SPG11: variants seen among roughly 807,000 people sequenced by gnomAD.
SPG11 encodes the protein SPG11 vesicle trafficking associated, spatacsin.
In SPG11, 222 loss-of-function variants were observed where a neutral mutation model predicts 274.0. That is an observed-to-expected ratio of 0.81 (90% CI 0.73 to 0.91). The LOEUF (loss-of-function observed/expected upper bound fraction) is 0.91. SPG11 is among the 40% of genes least tolerant of loss of function. The pLI is 0.00. For synonymous variants in SPG11, 1,144 were observed against 1,039.7 expected (o/e 1.10, Z -1.93); for missense variants, 3,114 against 2,872.7 (o/e 1.08, Z -1.92).
rs767487177 is a variant in SPG11 at position 44,651,959 on chromosome 15, T to C, written c.1008-20A>G. 33 of 1,604,596 alleles carry C rather than the reference T, an allele frequency of 2.1e-5. No homozygotes were observed. The highest frequency in any genetic ancestry group is 2.8e-5 in the Non-Finnish European group (33 of 1,176,866). ...CAAGACCTGGAAACAAGGTAAAATA[T>C]AACTTAACACCTGTCACAGTAAAAG... On this transcript the variant is annotated intron_variant, in intron 5 of 39. Transcript: ENST00000261866.
chr15:44,571,496 CTTTTT>C (rs796235342), intron 33 of SPG11, among the ~76,000 whole-genome samples: 10 of 126,134 alleles, frequency 7.9e-5, no homozygotes, highest in African/African-American at 2.9e-4. Context: ...AATTTCTTTT[CTTTTT>C]TTTTTTTTTT....
At chr15:44,649,120 T>G in intron 6 of SPG11, 109 bp from the exon 7 acceptor site, 1 of 828,792 alleles carries the variant, frequency 1.2e-6, no homozygotes, top group Admixed American at 2.3e-5. Context: ...ATTACAAATA[T>G]ATTTATATTT....
rs1288895068 is a variant in SPG11 at position 44,663,504 on chromosome 15, G to A, written c.144C>T (p.Arg48=). ...GGCTCCCCAGAGCCTCCGGCTGTGTGCGCAGCTGCGCCCGGGAGCCGAGCT... is the reference window on the plus strand; with the variant it reads ...GGCTCCCCAGAGCCTCCGGCTGTGTACGCAGCTGCGCCCGGGAGCCGAGCT... ...MGQLGSRAQL[R]TQPEALGSLT... is the part of the protein sequence containing the mutation. Residue 48 remains arginine (R), a synonymous_variant, in exon 1 of 40, where the codon CGC becomes CGT. Coordinates refer to ENST00000261866, the MANE Select transcript of SPG11 (RefSeq NM_025137.4). 3 of 1,594,390 alleles carry A rather than the reference G, an allele frequency of 1.9e-6. No individual in the cohort carries two copies. The highest frequency in any genetic ancestry group is 1.1e-5 in the South Asian group (1 of 88,794).
intron 33 of SPG11, among the ~76,000 whole-genome samples, chr15:44,572,185 G>A (rs2082437765): frequency 6.6e-6 from 1 of 152,214 alleles, no homozygotes; most frequent in Non-Finnish European, 1.5e-5. Flanking sequence ...AAATGTTAAT[G>A]ACAGCATATT....
intron 3 of SPG11, among the ~76,000 whole-genome samples, 190 bp from the exon 4 acceptor site, chr15:44,657,486 T>C (rs2084976019): frequency 6.6e-6 from 1 of 152,156 alleles, no homozygotes; most frequent in Non-Finnish European, 1.5e-5. Context: ...ATAAAGAACC[T>C]GATACCAAGT....
At chr15:44,649,236 T>C (rs1000691152) in intron 6 of SPG11, among the ~76,000 whole-genome samples, 5 of 152,208 alleles carry the variant, frequency 3.3e-5, no homozygotes, top group African/African-American at 7.2e-5. Context: ...TCTCCCTCTA[T>C]TGCCTAGGCC....
chr15:44,647,045 T>C (rs1037561065), intron 7 of SPG11, among the ~76,000 whole-genome samples: 5 of 152,192 alleles, frequency 3.3e-5, no homozygotes, highest in East Asian at 1.9e-4. Flanking sequence ...TTGTAAATCA[T>C]GTATGTCATA....
chr15:44,628,945 A>G lies in SPG11; in HGVS notation c.1892-101T>C, dbSNP rs1391123052. ...AAGAAAGTCAAAATTCAAACTTGGTATTTTTAAATTTCAAACAATATGTCT... is the reference window on the plus strand; with the variant it reads ...AAGAAAGTCAAAATTCAAACTTGGTGTTTTTAAATTTCAAACAATATGTCT... On this transcript the variant is annotated intron_variant, in intron 9 of 39. Transcript: ENST00000261866. The G allele has an allele frequency of 8.2e-6, 10 of 1,225,256 alleles. No homozygotes were observed. In the East Asian group the frequency reaches 2.1e-4, roughly 26 times the overall value. The allele number at this position is 1,225,256 out of a possible 1,614,324, so 75.9% of individuals were successfully genotyped here.
chr15:44,592,913 C>T (rs536330479), intron 26 of SPG11, among the ~76,000 whole-genome samples: 1 of 151,654 alleles, frequency 6.6e-6, no homozygotes, highest in East Asian at 1.9e-4. Context: ...CACTTGAGAC[C>T]TAGAGGTTGT....
intron 7 of SPG11, among the ~76,000 whole-genome samples, chr15:44,634,492 T>C (rs537116325): frequency 6.6e-6 from 1 of 150,708 alleles, no homozygotes; most frequent in Non-Finnish European, 1.5e-5. Context: ...TGCGTTTGGC[T>C]AGGCTAGTCT....
At position 44,636,925 on chromosome 15, in the gene SPG11, C is replaced by CAAAAAAAAAAAAAAAAA. The variant is rs370928375; in HGVS notation, c.1603-3305_1603-3289dup. ...TGGGCAACAGAGCAAGACTCCATCT[C>CAAAAAAAAAAAAAAAAA]AAAAAAAAAAAAAAAAAAAAAAAAA... is the stretch of plus-strand genomic sequence containing the variant. On this transcript the variant is annotated intron_variant, in intron 7 of 39. Coordinates refer to ENST00000261866, the MANE Select transcript of SPG11 (RefSeq NM_025137.4). Among the ~76,000 whole-genome samples the CAAAAAAAAAAAAAAAAA allele has an allele frequency of 1.1e-3, 21 of 19,432 alleles. 4 individuals carry two copies. The highest frequency in any genetic ancestry group is 1.3e-3 in the Non-Finnish European group (16 of 12,522). 12.7% of individuals were successfully genotyped at this position (19,432 alleles called of 152,430 possible).
rs2083843047 is a variant in SPG11, at chr15:44,624,488, G to A, written c.2245-1689C>T. ...AATCTAAAAAAAAGCTGAACTCACA[G>A]TAATAGAGAGTGGAATGATATTACC... On this transcript the variant is annotated intron_variant, in intron 11 of 39. Coordinates refer to ENST00000261866, the MANE Select transcript of SPG11 (RefSeq NM_025137.4). Among the ~76,000 whole-genome samples, 4 of 152,168 alleles carry A rather than the reference G, an allele frequency of 2.6e-5. No homozygotes were observed. The South Asian group carries it at 8.3e-4, about 31-fold the overall frequency.
chr15:44,569,026 C>T (rs1055321063), intron 35 of SPG11, among the ~76,000 whole-genome samples: 3 of 151,616 alleles, frequency 2.0e-5, no homozygotes, highest in Admixed American at 6.6e-5. Flanking sequence ...AAAAATTAGC[C>T]GGGCGTGGTG....
chr15:44,564,885 C>T (rs1012493164), intron 38 of SPG11, among the ~76,000 whole-genome samples, 187 bp from the exon 39 acceptor site: 3 of 152,168 alleles, frequency 2.0e-5, no homozygotes, highest in African/African-American at 7.2e-5. Flanking sequence ...TTTTCCCTCT[C>T]ATAAATCCCC....
chr15:44,589,321 A>G lies in SPG11; in HGVS notation c.4837T>C (p.Cys1613Arg). 2 of 1,614,156 alleles carry G rather than the reference A, an allele frequency of 1.2e-6. No homozygotes were observed. Among genetic ancestry groups the G allele is most frequent in the South Asian group, 1.1e-5 (1 of 91,082 alleles). The part of the protein sequence containing the change: ...CFLLKLMLQQ[C>R]KTQYELGKLL... The stretch of plus-strand genomic sequence containing the variant: ...TTCCCCAGCTCATACTGGGTCTTAC[A>G]CTGCTGTAGCATAAGCTTCAAAAGG... The change falls in exon 28 of 40, where the codon TGT becomes CGT. Residue 1613 changes from cysteine (C) to arginine (R), a missense_variant. Physicochemically the swap from Cys to Arg is radical, Grantham distance 180. Coordinates refer to ENST00000261866, the MANE Select transcript of SPG11 (RefSeq NM_025137.4).
In SPG11 at chr15:44,635,639, G is replaced by A. The variant is rs1258278389; in HGVS notation, c.1603-2002C>T. Among the ~76,000 whole-genome samples, 6 of 150,226 alleles carry A rather than the reference G, an allele frequency of 4.0e-5. No homozygotes were observed. In the South Asian group the frequency reaches 6.3e-4, roughly 16 times the overall value. ...AAAAAAAGAAAAAAGGAAAAAAGCC[G>A]GGTATGGTGGCTCACTCCCATAATC... On this transcript the variant is annotated intron_variant, in intron 7 of 39. Transcript: ENST00000261866.
At chr15:44,661,063 C>T (rs1173257957) in intron 1 of SPG11, among the ~76,000 whole-genome samples, 1 of 152,014 alleles carries the variant, frequency 6.6e-6, no homozygotes, top group Non-Finnish European at 1.5e-5. Context: ...CTGACGATTC[C>T]AAATCTTGAA....
At chr15:44,585,602 TAAA>T (rs34800368) in intron 29 of SPG11, 31 bp downstream of exon 29, 22,236 of 1,157,292 alleles carry the variant, frequency 0.019, no homozygotes, top group East Asian at 0.021. Context: ...ACCCCGTATC[TAAA>T]AAAAAAAAAA....
intron 30 of SPG11, 131 bp from the exon 31 acceptor site, chr15:44,575,172 C>T: frequency 2.7e-6 from 3 of 1,128,800 alleles, no homozygotes; most frequent in Non-Finnish European, 3.8e-6. Context: ...GGGATAGGAC[C>T]ACTGCTGACA....
Sources: allele counts gnomAD v4.1 joint callset (sites outside exome capture counted in the v4.1 genomes callset), GRCh38; gene constraint gnomAD v4.1.1; transcripts MANE v1.5; gene names NCBI Gene and HGNC (gene_info 2026-07-23, HGNC 2026-07-21).